The following SGMS1 variants were observed in gnomAD, a reference collection of about 807,000 sequenced individuals.
The protein encoded by SGMS1 is sphingomyelin synthase 1, also known as phosphatidylcholine:ceramide cholinephosphotransferase 1.
In SGMS1, 13 loss-of-function variants were observed where a neutral mutation model predicts 46.2. That is an observed-to-expected ratio of 0.28 (90% CI 0.18 to 0.45). SGMS1 has a LOEUF of 0.45. Ranked by LOEUF, SGMS1 falls within the 20% of genes least tolerant of loss-of-function variation. SGMS1 has a pLI of 1.00. For synonymous variants in SGMS1, 203 were observed against 187.8 expected, an observed-to-expected ratio of 1.08 and a Z score of -0.66; for missense variants, 324 against 519.9, an observed-to-expected ratio of 0.62 and a Z score of 3.66.
chr10:50,527,864 A>G (rs2133799404), intron 2 of SGMS1, among the ~76,000 whole-genome samples: 1 of 152,330 alleles, frequency 6.6e-6, no homozygotes, highest in Middle Eastern at 3.4e-3. Flanking sequence ...GAAGTCAGAC[A>G]TGCCTGGATT....
At chr10:50,465,683 GA>G (rs1201001902) in intron 4 of SGMS1, among the ~76,000 whole-genome samples, 2 of 151,962 alleles carry the variant, frequency 1.3e-5, no homozygotes, top group African/African-American at 4.8e-5. Context: ...AACAGACTAA[GA>G]AAAGAGAGAA....
At chr10:50,379,200 A>T (rs980139463) in intron 6 of SGMS1, among the ~76,000 whole-genome samples, 1 of 152,204 alleles carries the variant, frequency 6.6e-6, no homozygotes, top group African/African-American at 2.4e-5. Context: ...TATATTAAAA[A>T]TGAGTCAAGA....
intron 2 of SGMS1, among the ~76,000 whole-genome samples, chr10:50,548,472 A>G (rs1409167691): frequency 5.3e-5 from 8 of 152,336 alleles, no homozygotes; most frequent in Admixed American, 1.3e-4. Context: ...ATGATTCCCT[A>G]TTTAATAAAT....
intron 2 of SGMS1, among the ~76,000 whole-genome samples, chr10:50,526,377 C>G (rs1837901764): frequency 6.6e-6 from 1 of 152,082 alleles, no homozygotes; most frequent in African/African-American, 2.4e-5. Flanking sequence ...CCCCATGATC[C>G]AATCATCTCC....
chr10:50,615,688 T>C (rs574834508), intron 1 of SGMS1, among the ~76,000 whole-genome samples: 1 of 152,324 alleles, frequency 6.6e-6, no homozygotes, highest in South Asian at 2.1e-4. Flanking sequence ...TCCACTGTCA[T>C]GGGATTCAAT....
intron 6 of SGMS1, among the ~76,000 whole-genome samples, chr10:50,347,991 A>T (rs1847941355): frequency 6.6e-6 from 1 of 152,230 alleles, no homozygotes; most frequent in Admixed American, 6.5e-5. Flanking sequence ...TAAGCCCCTC[A>T]TGCATTAGGT....
At chr10:50,432,402 G>A (rs1334923116) in intron 6 of SGMS1, among the ~76,000 whole-genome samples, 2 of 152,094 alleles carry the variant, frequency 1.3e-5, no homozygotes, top group Admixed American at 1.3e-4. Context: ...ATAATGCTGT[G>A]CTACTACATA....
chr10:50,488,730 T>C (rs1837543402), intron 3 of SGMS1, among the ~76,000 whole-genome samples: 1 of 152,218 alleles, frequency 6.6e-6, no homozygotes, highest in African/African-American at 2.4e-5. Context: ...TGGAAAATCT[T>C]TGTCAACAGC....
intron 2 of SGMS1, among the ~76,000 whole-genome samples, chr10:50,580,752 T>C (rs562068292): frequency 6.6e-6 from 1 of 152,196 alleles, no homozygotes; most frequent in South Asian, 2.1e-4. Context: ...TACCAGGGGT[T>C]ACAGGAGGGA....
intron 3 of SGMS1, among the ~76,000 whole-genome samples, chr10:50,472,042 C>A (rs1453343713): frequency 6.6e-6 from 1 of 151,834 alleles, no homozygotes; most frequent in African/African-American, 2.4e-5. Context: ...TTGTCAAGAC[C>A]ACCTTTACTT....
intron 6 of SGMS1, among the ~76,000 whole-genome samples, chr10:50,403,326 T>C (rs1371422569): frequency 6.6e-6 from 1 of 152,146 alleles, no homozygotes; most frequent in Non-Finnish European, 1.5e-5. Context: ...AGGTAAATAA[T>C]ATACTATTAG....
chr10:50,542,432 T>C (rs1421971726), intron 2 of SGMS1, among the ~76,000 whole-genome samples: 1 of 152,074 alleles, frequency 6.6e-6, no homozygotes, highest in Non-Finnish European at 1.5e-5. Context: ...CTTGAAAGAT[T>C]GAGACAAAGA....
rs141603600 is a variant in SGMS1 at position 50,327,268 on chromosome 10, C to A, written c.678G>T (p.Arg226=). Residue 226 remains arginine (R), a synonymous_variant, in exon 8 of 11, where the codon CGG becomes CGT. Transcript: ENST00000361781. ...FCIVGTLYLY[R]CITMYVTTLP... ...GTGTAGTTACATACATTGTAATACA[C>A]CGATACAGGTACAGCGTGCCAACTA... 1.8e-5 allele frequency: 29 copies of A among 1,610,918 alleles called. No homozygotes were observed. The highest frequency in any genetic ancestry group is 1.9e-5 in the Non-Finnish European group (22 of 1,178,568).
chr10:50,570,387 C>T (rs1838326511), intron 2 of SGMS1, among the ~76,000 whole-genome samples: 1 of 152,182 alleles, frequency 6.6e-6, no homozygotes, highest in Non-Finnish European at 1.5e-5. Context: ...AATGGGCATT[C>T]CTTGTAGACT....
intron 7 of SGMS1, among the ~76,000 whole-genome samples, chr10:50,330,421 G>A (rs1345114312): frequency 2.0e-5 from 3 of 152,184 alleles, no homozygotes; most frequent in African/African-American, 7.2e-5. Context: ...GGAGTTAGAG[G>A]CTACAGTGAG....
At chr10:50,616,862 A>C (rs1007381460) in intron 1 of SGMS1, among the ~76,000 whole-genome samples, 1 of 152,262 alleles carries the variant, frequency 6.6e-6, no homozygotes, top group Non-Finnish European at 1.5e-5. Context: ...AATTACAATA[A>C]GACAGAAAAT....
In SGMS1 at chr10:50,517,818, T is replaced by A. The variant is rs527768238; in HGVS notation, c.-498+2013A>T. 2.6e-5 allele frequency among the ~76,000 whole-genome samples: 4 copies of A among 152,020 alleles called. No individual in the cohort carries two copies. In the South Asian group the frequency reaches 8.3e-4, roughly 31 times the overall value. On this transcript the variant is annotated intron_variant, in intron 3 of 10. Coordinates refer to ENST00000361781, the MANE Select transcript of SGMS1 (RefSeq NM_147156.4). ...ACTAAAAAAAATAGCAAATGAAAGA[T>A]AAACAGATGTCCTGACGGCAAAAAT...
intron 6 of SGMS1, among the ~76,000 whole-genome samples, chr10:50,368,013 T>G (rs1423468806): frequency 1.3e-5 from 2 of 152,206 alleles, no homozygotes; most frequent in South Asian, 2.1e-4. Context: ...TACAGCATCT[T>G]AGAGATAGCT....
At chr10:50,617,620 C>G (rs2131941695) in intron 1 of SGMS1, among the ~76,000 whole-genome samples, 1 of 152,178 alleles carries the variant, frequency 6.6e-6, no homozygotes, top group South Asian at 2.1e-4. Context: ...CTCACTCTGT[C>G]ACCCAGGATG....
Sources: allele counts gnomAD v4.1 joint callset (sites outside exome capture counted in the v4.1 genomes callset), GRCh38; gene constraint gnomAD v4.1.1; transcripts MANE v1.5; gene names NCBI Gene and HGNC (gene_info 2026-07-23, HGNC 2026-07-21).